Variants in CDX1 observed in about 807,000 individuals in gnomAD.
CDX1 encodes the protein caudal type homeobox 1, also known as homeobox protein CDX-1.
A neutral mutation model predicts 16.9 loss-of-function variants in CDX1; 9 were observed. The observed-to-expected ratio is 0.53, with a 90% CI of 0.32 to 0.93. The LOEUF (loss-of-function observed/expected upper bound fraction) is 0.93. Ranked by LOEUF, CDX1 falls within the 40% of genes least tolerant of loss-of-function variation. The pLI is 0.04. For missense variants in CDX1, 393 were observed against 386.1 expected (o/e 1.02, Z -0.15); for synonymous variants, 179 against 179.0 (o/e 1.00, Z 0.00).
intron 1 of CDX1, 37 bp from the exon 2 acceptor site, chr5:150,182,731 C>G (rs576346233): frequency 6.6e-7 from 1 of 1,526,630 alleles, no homozygotes; most frequent in Non-Finnish European, 8.8e-7. Context: ...CTCCTCCTCT[C>G]AACTCACCTT....
intron 1 of CDX1, among the ~76,000 whole-genome samples, chr5:150,170,752 G>A (rs1217322803): frequency 6.6e-6 from 1 of 152,164 alleles, no homozygotes; most frequent in African/African-American, 2.4e-5. Flanking sequence ...TGAGAGAGAG[G>A]CTGTTGGGCT....
intron 1 of CDX1, among the ~76,000 whole-genome samples, chr5:150,177,799 C>T (rs924807840): frequency 6.6e-6 from 1 of 152,146 alleles, no homozygotes; most frequent in African/African-American, 2.4e-5. Context: ...AGCTGCACTC[C>T]ACAACCCCAG....
chr5:150,179,094 G>A (rs1247073810), intron 1 of CDX1, among the ~76,000 whole-genome samples: 2 of 152,150 alleles, frequency 1.3e-5, no homozygotes, highest in African/African-American at 4.8e-5. Flanking sequence ...GTATGTGCCT[G>A]TTAAATGAGG....
In CDX1 at chr5:150,183,796, G is replaced by A; in HGVS notation, c.*116G>A. On this transcript the variant is annotated 3_prime_UTR_variant, in exon 3 of 3. Transcript: ENST00000231656. ...AGCCCTGACCTTCTGGGACATGGTG[G>A]ACAGTCACCTATCCACCCTCTGCAT... 1 of 787,522 alleles carries A rather than the reference G, an allele frequency of 1.3e-6. No individual in the cohort carries two copies. Among genetic ancestry groups the A allele is most frequent in the Non-Finnish European group, 2.0e-6 (1 of 512,094 alleles). The allele number at this position is 787,522 out of a possible 1,614,324, so 48.8% of individuals were successfully genotyped here.
intron 1 of CDX1, among the ~76,000 whole-genome samples, chr5:150,179,223 CA>C (rs1278069862): frequency 6.6e-6 from 1 of 152,194 alleles, no homozygotes; most frequent in African/African-American, 2.4e-5. Context: ...TGTTCTTTGG[CA>C]GAGCCATTTT....
chr5:150,180,369 C>T (rs1306653630), intron 1 of CDX1, among the ~76,000 whole-genome samples: 25 of 152,194 alleles, frequency 1.6e-4, no homozygotes, highest in Admixed American at 1.5e-3. Flanking sequence ...GACATGGAAG[C>T]GTCCAGTGTG....
At chr5:150,168,176 C>G (rs546028887) in intron 1 of CDX1, among the ~76,000 whole-genome samples, 5 of 152,218 alleles carry the variant, frequency 3.3e-5, no homozygotes, top group African/African-American at 1.2e-4. Context: ...GGACTGTGTC[C>G]GGCCTGTCCT....
chr5:150,173,937 G>A (rs904617637), intron 1 of CDX1, among the ~76,000 whole-genome samples: 1 of 152,244 alleles, frequency 6.6e-6, no homozygotes, highest in Non-Finnish European at 1.5e-5. Context: ...TGGAGGTGCT[G>A]TTTATTGAGT....
chr5:150,176,629 G>C (rs369302479), intron 1 of CDX1, among the ~76,000 whole-genome samples: 4 of 152,160 alleles, frequency 2.6e-5, no homozygotes, highest in African/African-American at 4.8e-5. Context: ...CTGCACAAAG[G>C]GCTCAAAACT....
At chr5:150,174,146 C>T (rs560168168) in intron 1 of CDX1, among the ~76,000 whole-genome samples, 23 of 152,304 alleles carry the variant, frequency 1.5e-4, no homozygotes, top group African/African-American at 5.3e-4. Context: ...TAGGAAGGGG[C>T]TGGAGGCAGA....
At chr5:150,182,556 TGG>T in intron 1 of CDX1, among the ~76,000 whole-genome samples, 1 of 152,222 alleles carries the variant, frequency 6.6e-6, no homozygotes, top group Non-Finnish European at 1.5e-5. Context: ...CTGATGGGCA[TGG>T]GAGGAGTACT....
intron 1 of CDX1, among the ~76,000 whole-genome samples, chr5:150,173,926 A>G (rs1391073477): frequency 6.6e-6 from 1 of 152,142 alleles, no homozygotes; most frequent in Non-Finnish European, 1.5e-5. Context: ...TGGCTGGAGG[A>G]TGGAGGTGCT....
At chr5:150,181,741 G>T (rs1370099940) in intron 1 of CDX1, among the ~76,000 whole-genome samples, 1 of 152,104 alleles carries the variant, frequency 6.6e-6, no homozygotes, top group Non-Finnish European at 1.5e-5. Context: ...ATCAACTAGT[G>T]TATCAAATAT....
At chr5:150,175,465 G>A (rs1363106441) in intron 1 of CDX1, among the ~76,000 whole-genome samples, 1 of 152,232 alleles carries the variant, frequency 6.6e-6, no homozygotes, top group Non-Finnish European at 1.5e-5. Context: ...AGGAAGGAGG[G>A]TGACAGTGGG....
At chr5:150,178,061 G>A (rs1009080822) in intron 1 of CDX1, among the ~76,000 whole-genome samples, 1 of 152,202 alleles carries the variant, frequency 6.6e-6, no homozygotes, top group African/African-American at 2.4e-5. Flanking sequence ...ACCAAATTTT[G>A]AGACCCATTC....
rs1752503208 is a variant in CDX1 at position 150,183,714 on chromosome 5, G to A, written c.*34G>A. The stretch of plus-strand genomic sequence containing the variant: ...CCAGCCTGTGCGCCGGGGGACCTGG[G>A]GACTCGGGTGCTGGGAGTGTGGCTC... On this transcript the variant is annotated 3_prime_UTR_variant, in exon 3 of 3. Coordinates refer to ENST00000231656, the MANE Select transcript of CDX1 (RefSeq NM_001804.3). 3 of 1,474,424 alleles carry A rather than the reference G, an allele frequency of 2.0e-6. No individual in the cohort carries two copies. In the East Asian group the frequency reaches 7.2e-5, roughly 35 times the overall value. 91.3% of individuals were successfully genotyped at this position (1,474,424 alleles called of 1,614,324 possible).
chr5:150,177,760 G>A (rs988154660), intron 1 of CDX1, among the ~76,000 whole-genome samples: 2 of 152,190 alleles, frequency 1.3e-5, no homozygotes, highest in African/African-American at 2.4e-5. Flanking sequence ...GAGGTGGGGA[G>A]ACTGTCCTAG....
In CDX1 at chr5:150,166,883, G is replaced by C; in HGVS notation, c.7G>C (p.Val3Leu). 1 of 1,506,108 alleles carries C rather than the reference G, an allele frequency of 6.6e-7. No homozygotes were observed. Among genetic ancestry groups the C allele is most frequent in the Non-Finnish European group, 8.8e-7 (1 of 1,132,954 alleles). 93.3% of individuals were successfully genotyped at this position (1,506,108 alleles called of 1,614,324 possible). Residue 3 changes from valine (V) to leucine (L), a missense_variant, in exon 1 of 3, where the codon GTG (valine) becomes CTG (leucine). Physicochemically the swap from Val to Leu is conservative, Grantham distance 32. Transcript: ENST00000231656. The stretch of plus-strand genomic sequence containing the variant: ...GGGGGACCCCGCGGCCACCATGTAT[G>C]TGGGCTATGTGCTGGACAAGGATTC... MYVGYVLDKDSPV... is the reference protein window; with the variant it reads MYLGYVLDKDSPV...
In CDX1 at chr5:150,183,482, C is replaced by T. The variant is rs1752496829; in HGVS notation, c.600C>T (p.Ile200=). 14 of 1,603,560 alleles carry T rather than the reference C, an allele frequency of 8.7e-6. No homozygotes were observed. Among genetic ancestry groups the T allele is most frequent in the Non-Finnish European group, 1.2e-5 (14 of 1,173,784 alleles). Residue 200 remains isoleucine (I), a synonymous_variant, in exon 3 of 3, where the codon ATC becomes ATT. Coordinates refer to ENST00000231656, the MANE Select transcript of CDX1 (RefSeq NM_001804.3). ...NLGLTERQVK[I]WFQNRRAKER... is the part of the protein sequence containing the mutation. ...GTCCTCCAACCCCACAGGTGAAGAT[C>T]TGGTTCCAAAACCGGCGGGCAAAGG... is the stretch of plus-strand genomic sequence containing the variant.
Sources: allele counts gnomAD v4.1 joint callset (sites outside exome capture counted in the v4.1 genomes callset), GRCh38; gene constraint gnomAD v4.1.1; transcripts MANE v1.5; gene names NCBI Gene and HGNC (gene_info 2026-07-23, HGNC 2026-07-21).